Variants in COL5A1 observed in about 807,000 individuals in gnomAD.
COL5A1 encodes the protein collagen type V alpha 1 chain.
In COL5A1, 16 loss-of-function variants were observed where a neutral mutation model predicts 263.7. That is an observed-to-expected ratio of 0.06 (90% CI 0.04 to 0.09). COL5A1 has a LOEUF of 0.09. COL5A1 is among the 10% of genes least tolerant of loss of function. The pLI, the probability that COL5A1 is intolerant of heterozygous loss-of-function variation, is 1.00. For missense variants in COL5A1, 2,036 were observed against 2,540.5 expected, an observed-to-expected ratio of 0.80 and a Z score of 4.27; for synonymous variants, 1,012 against 1,004.5, an observed-to-expected ratio of 1.01 and a Z score of -0.14.
intron 6 of COL5A1, 137 bp downstream of exon 6, chr9:134,728,944 G>A (rs1303597184): frequency 2.7e-6 from 3 of 1,129,008 alleles, no homozygotes; most frequent in Non-Finnish European, 2.6e-6. Context: ...AGCTCAGTGA[G>A]GGAGCCGGCT....
intron 51 of COL5A1, 125 bp downstream of exon 51, chr9:134,815,754 A>G: frequency 7.8e-7 from 1 of 1,274,346 alleles, no homozygotes; most frequent in East Asian, 2.5e-5. Flanking sequence ...CAATGTCCCA[A>G]AAGGCACTCG....
chr9:134,798,299 G>A, intron 36 of COL5A1, 109 bp from the exon 37 acceptor site: 1 of 990,674 alleles, frequency 1.0e-6, no homozygotes, highest in Non-Finnish European at 1.6e-6. Flanking sequence ...CAGAGGATGT[G>A]CAGGGGCAGG....
In COL5A1 at chr9:134,642,251, CCGCT is replaced by C; in HGVS notation, c.65_68del (p.Pro22ArgfsTer21). The C allele has an allele frequency of 7.8e-7, 1 of 1,278,454 alleles. No homozygotes were observed. The highest frequency in any genetic ancestry group is 9.9e-7 in the Non-Finnish European group (1 of 1,006,414). The allele number at this position is 1,278,454 out of a possible 1,614,324, so 79.2% of individuals were successfully genotyped here. ...CCGCCCGGGCGCCCCGCTGCTGCCCCCGCTGCTGCTGCTGCTGCTGTGGGCGCCG... is the reference window on the plus strand; with the variant it reads ...CCGCCCGGGCGCCCCGCTGCTGCCCCGCTGCTGCTGCTGCTGTGGGCGCCG... On this transcript the variant is annotated frameshift_variant, in exon 1 of 66. Transcript: ENST00000371817. LOFTEE classifies it high-confidence loss of function. The surrounding 1 kb of genome is among the most constrained non-coding windows in gnomAD (Gnocchi z 4.5).
intron 5 of COL5A1, 128 bp downstream of exon 5, chr9:134,727,525 A>G (rs1340489183): frequency 1.9e-6 from 2 of 1,042,052 alleles, no homozygotes; most frequent in African/African-American, 3.1e-5. Context: ...GGAGGGACCT[A>G]GGAGGTAAAC....
At chr9:134,834,825 C>T (rs371119503) in intron 64 of COL5A1, 146 bp from the exon 65 acceptor site, 9 of 658,928 alleles carry the variant, frequency 1.4e-5, no homozygotes, top group South Asian at 3.4e-5. Context: ...GCGCTGGCCT[C>T]GGCCGGGTCT....
chr9:134,785,143 A>C (rs779014912), intron 30 of COL5A1, 47 bp downstream of exon 30: 3 of 1,503,624 alleles, frequency 2.0e-6, no homozygotes, highest in Non-Finnish European at 2.8e-6. Flanking sequence ...GGGATCTGAC[A>C]GGCCCTTCCC....
chr9:134,725,423 C>A (rs1046739990), intron 4 of COL5A1, among the ~76,000 whole-genome samples: 1 of 152,198 alleles, frequency 6.6e-6, no homozygotes, highest in Non-Finnish European at 1.5e-5. Flanking sequence ...TTACTATAAT[C>A]ATTACTATAT....
chr9:134,753,907 T>TGTG lies in COL5A1; in HGVS notation c.1773+6_1773+8dup, dbSNP rs1835882785. On this transcript the variant is annotated splice_donor_region_variant and intron_variant, in intron 15 of 65. Coordinates refer to ENST00000371817, the MANE Select transcript of COL5A1 (RefSeq NM_000093.5). ...GCCGGGAGACGTGGGGCCTCAGGTA[T>TGTG]GTGGGATCCTTGCCTTCGCTGTCTG... is the stretch of plus-strand genomic sequence containing the variant. The TGTG allele has an allele frequency of 3.1e-6, 5 of 1,613,438 alleles. No homozygotes were observed. The highest frequency in any genetic ancestry group is 4.2e-6 in the Non-Finnish European group (5 of 1,179,574).
rs968672541 is a variant in COL5A1 at position 134,754,698 on chromosome 9, T to G, written c.1827+372T>G. Among the ~76,000 whole-genome samples, 1 of 152,326 alleles carries G rather than the reference T, an allele frequency of 6.6e-6. No individual in the cohort carries two copies. The highest frequency in any genetic ancestry group is 2.1e-4 in the South Asian group (1 of 4,828). Reference sequence around the variant, plus strand: ...CCAGAAATGGCCTGATTCGGGGGCATGGGCGGGCCTTCCTGCGCCTTACCT... The same window carrying G: ...CCAGAAATGGCCTGATTCGGGGGCAGGGGCGGGCCTTCCTGCGCCTTACCT... On this transcript the variant is annotated intron_variant, in intron 16 of 65. Coordinates refer to ENST00000371817, the MANE Select transcript of COL5A1 (RefSeq NM_000093.5). This position sits in a 1 kb window ranked among gnomAD's most constrained non-coding sequence, Gnocchi z 4.3.
chr9:134,815,494 T>C lies in COL5A1; in HGVS notation c.4015-82T>C, dbSNP rs1363813620. ...GCTGGACGGTGGCAGGTGGCCATCT[T>C]GAGGTGGTGACATGATTGGCCGTGT... On this transcript the variant is annotated intron_variant, in intron 50 of 65. Coordinates refer to ENST00000371817, the MANE Select transcript of COL5A1 (RefSeq NM_000093.5). 6 of 1,408,712 alleles carry C rather than the reference T, an allele frequency of 4.3e-6. No individual in the cohort carries two copies. The East Asian group carries it at 9.4e-5, about 22-fold the overall frequency. The allele number at this position is 1,408,712 out of a possible 1,614,324, so 87.3% of individuals were successfully genotyped here. A position where few individuals can be genotyped will look rare whatever the true frequency, so the allele number is the denominator to read the frequency against.
At chr9:134,698,844 A>G (rs1588447693) in intron 2 of COL5A1, among the ~76,000 whole-genome samples, 1 of 152,304 alleles carries the variant, frequency 6.6e-6, no homozygotes, top group East Asian at 1.9e-4. Flanking sequence ...TGGATTCACG[A>G]TGGCTCAAGC....
At chr9:134,749,347 C>G (rs1835691669) in intron 11 of COL5A1, among the ~76,000 whole-genome samples, 1 of 152,252 alleles carries the variant, frequency 6.6e-6, no homozygotes. Flanking sequence ...ACTTACAGAA[C>G]TTGAGCACTG....
In COL5A1 at chr9:134,777,450, G is replaced by A. The variant is rs559214720; in HGVS notation, c.2385+2538G>A. 3.9e-4 allele frequency among the ~76,000 whole-genome samples: 59 copies of A among 152,336 alleles called. 1 individual carries two copies. Among genetic ancestry groups the A allele is most frequent in the Middle Eastern group, 3.4e-3 (1 of 294 alleles). ...TGCTGCTCACCCCACCACGGACACAGCAGCCCCAATGTCAACAGCCCCGTG... is the reference window on the plus strand; with the variant it reads ...TGCTGCTCACCCCACCACGGACACAACAGCCCCAATGTCAACAGCCCCGTG... On this transcript the variant is annotated intron_variant, in intron 27 of 65. Coordinates refer to ENST00000371817, the MANE Select transcript of COL5A1 (RefSeq NM_000093.5).
rs1041028156 is a variant in COL5A1, at chr9:134,796,777, C to T, written c.2845-71C>T. Reference sequence around the variant, plus strand: ...ACCTGCGTTCAGAGAGCCACCGGCACAGGCAGGTCAGCGGCAGGAGCTGCT... The same window carrying T: ...ACCTGCGTTCAGAGAGCCACCGGCATAGGCAGGTCAGCGGCAGGAGCTGCT... On this transcript the variant is annotated intron_variant, in intron 35 of 65. Coordinates refer to ENST00000371817, the MANE Select transcript of COL5A1 (RefSeq NM_000093.5). 62 of 1,406,056 alleles carry T rather than the reference C, an allele frequency of 4.4e-5. 1 individual carries two copies. In the South Asian group the frequency reaches 5.3e-4, roughly 12 times the overall value. 87.1% of individuals were successfully genotyped at this position (1,406,056 alleles called of 1,614,324 possible).
At chr9:134,697,215 C>T (rs369828991) in intron 2 of COL5A1, among the ~76,000 whole-genome samples, 3 of 152,138 alleles carry the variant, frequency 2.0e-5, no homozygotes, top group African/African-American at 7.2e-5. Flanking sequence ...AAAGTATCAG[C>T]GTCCCAGCTC....
intron 14 of COL5A1, among the ~76,000 whole-genome samples, chr9:134,753,262 G>A (rs780648671): frequency 1.3e-5 from 2 of 152,186 alleles, no homozygotes; most frequent in Non-Finnish European, 2.9e-5. Flanking sequence ...TGGGGTCCTC[G>A]ATGCATGAGA....
chr9:134,723,443 G>A (rs1834539278), intron 4 of COL5A1, among the ~76,000 whole-genome samples: 1 of 152,240 alleles, frequency 6.6e-6, no homozygotes, highest in African/African-American at 2.4e-5. Context: ...GTTCTGAGAT[G>A]TGGAGACAGG....
intron 4 of COL5A1, among the ~76,000 whole-genome samples, chr9:134,702,406 C>T (rs1181846374): frequency 6.6e-6 from 1 of 152,064 alleles, no homozygotes; most frequent in African/African-American, 2.4e-5. Context: ...GAGCTCCTGG[C>T]TGTGTCTACA....
chr9:134,649,255 C>T (rs918847036), intron 1 of COL5A1: 3 of 328,584 alleles, frequency 9.1e-6, no homozygotes, highest in Non-Finnish European at 1.8e-5. Context: ...CGAGCCGTCA[C>T]ACCCTCAGCT....
Sources: gnomAD v4.1 joint callset for allele counts (sites outside exome capture counted in the v4.1 genomes callset) on GRCh38, gnomAD v4.1.1 for gene constraint, Gnocchi (gnomAD v3.1) non-coding constraint, MANE v1.5 for transcripts, NCBI Gene and HGNC (gene_info 2026-07-23, HGNC 2026-07-21) for gene names.